The following RHOD variants were observed in gnomAD, a reference collection of about 807,000 sequenced individuals.
RHOD encodes the protein ras homolog family member D, also known as rho-related GTP-binding protein RhoD.
Under a neutral mutation model 16.7 loss-of-function variants are expected in RHOD, and 11 were observed. That is an observed-to-expected ratio of 0.66 (90% CI 0.41 to 1.09). The LOEUF is 1.09. RHOD is among the 50% of genes least tolerant of loss of function. The pLI is 0.00. For missense variants in RHOD, 271 were observed against 291.7 expected (o/e 0.93, Z 0.52); for synonymous variants, 124 against 126.3 (o/e 0.98, Z 0.12).
intron 1 of RHOD, among the ~76,000 whole-genome samples, chr11:67,061,739 T>TAAA (rs1218968353): frequency 2.1e-4 from 20 of 96,104 alleles, no homozygotes; most frequent in African/African-American, 7.9e-4. Context: ...AGACCCTCTC[T>TAAA]AAAAAAAAAA....
intron 1 of RHOD, among the ~76,000 whole-genome samples, chr11:67,060,606 C>T (rs1854874024): frequency 6.6e-6 from 1 of 152,212 alleles, no homozygotes; most frequent in Non-Finnish European, 1.5e-5. Flanking sequence ...TCTGCAGCCA[C>T]AAAGACCTGG....
At chr11:67,066,664 G>A in intron 2 of RHOD, 74 bp from the exon 3 acceptor site, 1 of 970,798 alleles carries the variant, frequency 1.0e-6, no homozygotes. Flanking sequence ...CTGATGAGGT[G>A]ACCTCCTGAC....
chr11:67,058,775 C>A (rs1468359879), intron 1 of RHOD, among the ~76,000 whole-genome samples: 1 of 152,200 alleles, frequency 6.6e-6, no homozygotes, highest in Non-Finnish European at 1.5e-5. Context: ...GGCCCATGTG[C>A]TTTCTGCTGC....
intron 1 of RHOD, among the ~76,000 whole-genome samples, chr11:67,065,078 CTTT>C (rs1209583009): frequency 7.0e-6 from 1 of 142,584 alleles, no homozygotes; most frequent in African/African-American, 2.5e-5. Context: ...GCGGTAGGGA[CTTT>C]TTTTTTTTTT....
In RHOD at chr11:67,063,657, G is replaced by A. The variant is rs1005109584; in HGVS notation, c.133-2239G>A. Among the ~76,000 whole-genome samples, 4 of 151,600 alleles carry A rather than the reference G, an allele frequency of 2.6e-5. No individual in the cohort carries two copies. The East Asian group carries it at 7.8e-4, about 29-fold the overall frequency. ...TACTAAAAGTACAAAAAATTAGCCA[G>A]GTGTGCTGGCGTGTGCTTGTAATCC... On this transcript the variant is annotated intron_variant, in intron 1 of 4. Coordinates refer to ENST00000308831, the MANE Select transcript of RHOD (RefSeq NM_014578.4).
chr11:67,068,187 C>T (rs1214976054), intron 3 of RHOD, among the ~76,000 whole-genome samples: 3 of 152,196 alleles, frequency 2.0e-5, no homozygotes, highest in Admixed American at 6.5e-5. Context: ...AGTGGGACAT[C>T]CTAGTGGAGG....
intron 4 of RHOD, 52 bp from the exon 5 acceptor site, chr11:67,071,383 G>C: frequency 6.7e-7 from 1 of 1,496,872 alleles, no homozygotes; most frequent in African/African-American, 1.4e-5. Context: ...GCGAGAACGT[G>C]AGGCCTGCCC....
intron 1 of RHOD, among the ~76,000 whole-genome samples, 178 bp from the exon 2 acceptor site, chr11:67,065,718 G>A (rs1854951325): frequency 6.6e-6 from 1 of 152,140 alleles, no homozygotes; most frequent in Non-Finnish European, 1.5e-5. Flanking sequence ...GGGAGGTTCA[G>A]GAGTTTGCAA....
intron 1 of RHOD, among the ~76,000 whole-genome samples, chr11:67,058,963 C>G (rs982073279): frequency 1.3e-5 from 2 of 152,162 alleles, no homozygotes; most frequent in Admixed American, 6.5e-5. Flanking sequence ...GTGGCCCAGG[C>G]CCAGGGGAAG....
At chr11:67,061,190 C>A (rs1854881732) in intron 1 of RHOD, among the ~76,000 whole-genome samples, 1 of 152,158 alleles carries the variant, frequency 6.6e-6, no homozygotes, top group Admixed American at 6.6e-5. Context: ...TTTAAACCAT[C>A]AGATCTCGTA....
At chr11:67,067,791 G>C (rs1191350506) in intron 3 of RHOD, among the ~76,000 whole-genome samples, 2 of 128,618 alleles carry the variant, frequency 1.6e-5, no homozygotes, top group African/African-American at 5.6e-5. Flanking sequence ...GGAGGGAGGA[G>C]TTTTTTTGTT....
intron 3 of RHOD, among the ~76,000 whole-genome samples, chr11:67,068,384 G>T (rs1854985602): frequency 6.6e-6 from 1 of 152,188 alleles, no homozygotes; most frequent in South Asian, 2.1e-4. Flanking sequence ...AGAGGAGGAG[G>T]AGGGCAAGGC....
intron 1 of RHOD, among the ~76,000 whole-genome samples, chr11:67,058,634 A>G (rs1204421866): frequency 6.6e-6 from 1 of 152,154 alleles, no homozygotes; most frequent in African/African-American, 2.4e-5. Flanking sequence ...TCTTCCCAGC[A>G]TCCTCTAAGC....
At chr11:67,068,234 C>T (rs1302578961) in intron 3 of RHOD, among the ~76,000 whole-genome samples, 1 of 152,190 alleles carries the variant, frequency 6.6e-6, no homozygotes, top group Non-Finnish European at 1.5e-5. Flanking sequence ...GTCTGCAGTT[C>T]CTCCGAGCAG....
chr11:67,059,584 AAATT>A (rs2136244794), intron 1 of RHOD, among the ~76,000 whole-genome samples: 1 of 150,612 alleles, frequency 6.6e-6, no homozygotes, highest in East Asian at 1.9e-4. Context: ...GTAATTAAAT[AAATT>A]AATTAAAAGA....
intron 1 of RHOD, among the ~76,000 whole-genome samples, chr11:67,065,061 C>T (rs1854940587): frequency 6.6e-6 from 1 of 150,942 alleles, no homozygotes; most frequent in Non-Finnish European, 1.5e-5. Flanking sequence ...ATCCTTGTAG[C>T]GGCACTGCGG....
chr11:67,061,739 TA>T (rs1218968353), intron 1 of RHOD, among the ~76,000 whole-genome samples: 5,387 of 96,018 alleles, frequency 0.056, 266 homozygotes, highest in African/African-American at 0.14. Context: ...AGACCCTCTC[TA>T]AAAAAAAAAA....
chr11:67,059,940 C>G (rs1854866408), intron 1 of RHOD, among the ~76,000 whole-genome samples: 1 of 152,258 alleles, frequency 6.6e-6, no homozygotes, highest in Non-Finnish European at 1.5e-5. Context: ...CTCAGTGACC[C>G]TCATCTGGCT....
chr11:67,071,689 G>A lies in RHOD; in HGVS notation c.*87G>A. 1.5e-6 allele frequency: 2 copies of A among 1,345,088 alleles called. No homozygotes were observed. Among genetic ancestry groups the A allele is most frequent in the South Asian group, 3.0e-5 (2 of 67,746 alleles). The allele number at this position is 1,345,088 out of a possible 1,614,324, so 83.3% of individuals were successfully genotyped here. A position where few individuals can be genotyped will look rare whatever the true frequency, so the allele number is the denominator to read the frequency against. On this transcript the variant is annotated 3_prime_UTR_variant, in exon 5 of 5. Coordinates refer to ENST00000308831, the MANE Select transcript of RHOD (RefSeq NM_014578.4). Reference sequence around the variant, plus strand: ...CTGGGCTGGACCCGGTCCCTAGGCTGTGACCGCCGAACTCCACTGCAACAG... The same window carrying A: ...CTGGGCTGGACCCGGTCCCTAGGCTATGACCGCCGAACTCCACTGCAACAG...
Sources: gnomAD v4.1 joint callset for allele counts (sites outside exome capture counted in the v4.1 genomes callset) on GRCh38, gnomAD v4.1.1 for gene constraint, MANE v1.5 for transcripts, NCBI Gene and HGNC (gene_info 2026-07-23, HGNC 2026-07-21) for gene names.